The following GRID1 variants were observed in gnomAD, a reference collection of about 807,000 sequenced individuals.
GRID1 encodes the protein glutamate receptor ionotropic, delta-1.
GRID1 carries 28 observed loss-of-function variants against 98.0 expected under a neutral mutation model. The ratio of observed to expected loss-of-function variants is 0.29; its 90% CI spans 0.21 to 0.39. The LOEUF is 0.39. GRID1 is among the 10% of genes least tolerant of loss of function. The pLI is 1.00. For synonymous variants in GRID1, 553 were observed against 538.5 expected, an observed-to-expected ratio of 1.03 and a Z score of -0.37; for missense variants, 1,111 against 1,340.5, an observed-to-expected ratio of 0.83 and a Z score of 2.67.
At chr10:86,099,604 G>A (rs2131943896) in intron 4 of GRID1, among the ~76,000 whole-genome samples, 1 of 152,262 alleles carries the variant, frequency 6.6e-6, no homozygotes, top group Middle Eastern at 3.4e-3. Flanking sequence ...TCCATAAAGG[G>A]TCACAGACCA....
At chr10:86,238,933 G>T (rs1228939061) in intron 2 of GRID1, among the ~76,000 whole-genome samples, 1 of 152,182 alleles carries the variant, frequency 6.6e-6, no homozygotes, top group East Asian at 1.9e-4. Flanking sequence ...TGGAGTTGGA[G>T]CCCCTACACA....
At chr10:85,925,779 C>G (rs931397145) in intron 4 of GRID1, among the ~76,000 whole-genome samples, 1 of 152,164 alleles carries the variant, frequency 6.6e-6, no homozygotes, top group Non-Finnish European at 1.5e-5. Context: ...CGGGTACATC[C>G]GCTGGGAGAA....
At chr10:85,836,159 TAAAAG>T (rs1486662946) in intron 8 of GRID1, among the ~76,000 whole-genome samples, 1 of 150,932 alleles carries the variant, frequency 6.6e-6, no homozygotes, top group Non-Finnish European at 1.5e-5. Context: ...CAAGCAGAAA[TAAAAG>T]ATGAGAGCAG....
chr10:86,052,669 G>T (rs1405027899), intron 4 of GRID1: 1 of 152,100 alleles, frequency 6.6e-6, no homozygotes, highest in Non-Finnish European at 1.5e-5. Flanking sequence ...AGAAACTCTG[G>T]TACTACAGAG....
intron 8 of GRID1, among the ~76,000 whole-genome samples, chr10:85,808,726 C>A (rs1251644109): frequency 6.6e-6 from 1 of 152,036 alleles, no homozygotes; most frequent in Non-Finnish European, 1.5e-5. Flanking sequence ...TTGTTAGCAA[C>A]AAAAATGACT....
intron 8 of GRID1, among the ~76,000 whole-genome samples, chr10:85,770,833 C>T (rs914604941): frequency 6.6e-5 from 10 of 152,112 alleles, no homozygotes; most frequent in Admixed American, 2.0e-4. Flanking sequence ...TGTGAAAAGA[C>T]CAAATCTACG....
At chr10:85,799,808 G>A (rs1439896138) in intron 8 of GRID1, among the ~76,000 whole-genome samples, 2 of 152,008 alleles carry the variant, frequency 1.3e-5, no homozygotes, top group Non-Finnish European at 1.5e-5. Context: ...GCATAGTAGG[G>A]TGACTACAGT....
chr10:85,774,069 A>G (rs887017185), intron 8 of GRID1, among the ~76,000 whole-genome samples: 5 of 152,230 alleles, frequency 3.3e-5, no homozygotes, highest in African/African-American at 1.2e-4. Context: ...ATCTGACTTC[A>G]AACTATACTA....
At chr10:85,926,158 G>T (rs1279381600) in intron 4 of GRID1, among the ~76,000 whole-genome samples, 1 of 152,130 alleles carries the variant, frequency 6.6e-6, no homozygotes, top group Non-Finnish European at 1.5e-5. Flanking sequence ...ACAAGTCTCT[G>T]GATTTGTGAC....
chr10:85,619,856 C>G lies in GRID1; in HGVS notation c.2360+11G>C. The G allele has an allele frequency of 6.2e-7, 1 of 1,612,094 alleles. No individual in the cohort carries two copies. The highest frequency in any genetic ancestry group is 1.7e-5 in the Admixed American group (1 of 59,992). On this transcript the variant is annotated intron_variant, in intron 14 of 15. Transcript: ENST00000327946. ...TGAGGCAGCGGTAGTTACCTTGCTGCCCAAGCCTACCTCTGGGAGAAGAGG... is the reference window on the plus strand; with the variant it reads ...TGAGGCAGCGGTAGTTACCTTGCTGGCCAAGCCTACCTCTGGGAGAAGAGG...
chr10:85,831,517 C>T (rs138016268), intron 8 of GRID1, among the ~76,000 whole-genome samples: 14 of 151,874 alleles, frequency 9.2e-5, no homozygotes, highest in Middle Eastern at 3.4e-3. Flanking sequence ...AATGAGATAC[C>T]GTCTTTTCAA....
intron 4 of GRID1, among the ~76,000 whole-genome samples, chr10:86,088,177 G>A (rs995088232): frequency 1.3e-5 from 2 of 152,154 alleles, no homozygotes; most frequent in Admixed American, 6.5e-5. Context: ...AACACAGCCC[G>A]CTGTTTGATA....
At chr10:86,093,727 T>G (rs890717298) in intron 4 of GRID1, among the ~76,000 whole-genome samples, 1 of 151,940 alleles carries the variant, frequency 6.6e-6, no homozygotes, top group Admixed American at 6.6e-5. Flanking sequence ...CAAAAAAAAG[T>G]CCAGGACCAG....
chr10:86,004,281 C>T (rs1442593398), intron 4 of GRID1, among the ~76,000 whole-genome samples: 2 of 152,140 alleles, frequency 1.3e-5, no homozygotes, highest in African/African-American at 4.8e-5. Context: ...GAGGTTTACA[C>T]ATGTTTGAAA....
At chr10:86,152,578 G>A (rs1331910535) in intron 3 of GRID1, among the ~76,000 whole-genome samples, 2 of 152,236 alleles carry the variant, frequency 1.3e-5, no homozygotes, top group Non-Finnish European at 2.9e-5. Flanking sequence ...GGGAGAAAGA[G>A]CCTGGGCTTT....
At chr10:86,021,602 C>G (rs927491029) in intron 4 of GRID1, among the ~76,000 whole-genome samples, 5 of 151,942 alleles carry the variant, frequency 3.3e-5, no homozygotes, top group Admixed American at 6.6e-5. Flanking sequence ...TCCCCTCAGC[C>G]CCCACACATG....
At chr10:86,107,063 T>C (rs1386966021) in intron 4 of GRID1, among the ~76,000 whole-genome samples, 1 of 152,154 alleles carries the variant, frequency 6.6e-6, no homozygotes, top group Admixed American at 6.5e-5. Context: ...ACACAAATCC[T>C]GCATGACAAG....
At chr10:86,299,434 T>C (rs1274323781) in intron 2 of GRID1, among the ~76,000 whole-genome samples, 1 of 151,656 alleles carries the variant, frequency 6.6e-6, no homozygotes, top group Non-Finnish European at 1.5e-5. Context: ...GCTGCACCCA[T>C]TAACTCGTCA....
intron 12 of GRID1, among the ~76,000 whole-genome samples, chr10:85,653,932 C>A (rs1590176351): frequency 1.3e-5 from 2 of 152,182 alleles, no homozygotes; most frequent in East Asian, 3.9e-4. Context: ...AATAAACTAC[C>A]CAGTTTAAGG....
Sources: gnomAD v4.1 joint callset for allele counts (sites outside exome capture counted in the v4.1 genomes callset) on GRCh38, gnomAD v4.1.1 for gene constraint, MANE v1.5 for transcripts, NCBI Gene and HGNC (gene_info 2026-07-23, HGNC 2026-07-21) for gene names.